The following MDGA2 variants were observed in gnomAD, a reference collection of about 807,000 sequenced individuals.
The protein encoded by MDGA2 is MAM domain containing glycosylphosphatidylinositol anchor 2.
A neutral mutation model predicts 117.8 loss-of-function variants in MDGA2; 40 were observed. The ratio of observed to expected loss-of-function variants is 0.34; its 90% CI spans 0.26 to 0.44. The LOEUF (loss-of-function observed/expected upper bound fraction) is 0.44, where lower values mean the gene tolerates loss of function less well. MDGA2 is among the 20% of genes least tolerant of loss of function. The pLI, the probability that MDGA2 is intolerant of heterozygous loss-of-function variation, is 1.00. For synonymous variants in MDGA2, 452 were observed against 439.0 expected (o/e 1.03, Z -0.37); for missense variants, 1,123 against 1,250.6 (o/e 0.90, Z 1.54).
intron 1 of MDGA2, among the ~76,000 whole-genome samples, chr14:47,540,791 C>T (rs1895337161): frequency 6.6e-6 from 1 of 151,566 alleles, no homozygotes; most frequent in Admixed American, 6.6e-5. Flanking sequence ...TCTTGAACTC[C>T]TGATCTCAAG....
chr14:47,151,170 A>G (rs1883149232), intron 3 of MDGA2, among the ~76,000 whole-genome samples: 1 of 152,180 alleles, frequency 6.6e-6, no homozygotes, highest in Non-Finnish European at 1.5e-5. Context: ...AAAAAGAGGG[A>G]TTAGGCAGTG....
chr14:47,108,162 A>G (rs2139041414), intron 5 of MDGA2, among the ~76,000 whole-genome samples: 1 of 152,218 alleles, frequency 6.6e-6, no homozygotes, highest in Non-Finnish European at 1.5e-5. Context: ...CAATACTTTT[A>G]CCACATTCCC....
intron 1 of MDGA2, among the ~76,000 whole-genome samples, chr14:47,362,892 C>T (rs543093408): frequency 6.6e-6 from 1 of 152,188 alleles, no homozygotes; most frequent in South Asian, 2.1e-4. Flanking sequence ...AATCTCATTC[C>T]GTAGGAGCAC....
At chr14:47,510,876 G>T (rs1267344497) in intron 1 of MDGA2, among the ~76,000 whole-genome samples, 1 of 152,152 alleles carries the variant, frequency 6.6e-6, no homozygotes. Context: ...GCCCAGAATG[G>T]GAGTGCTTTG....
At chr14:46,864,737 A>C (rs1484878894) in intron 14 of MDGA2, among the ~76,000 whole-genome samples, 1 of 151,928 alleles carries the variant, frequency 6.6e-6, no homozygotes, top group African/African-American at 2.4e-5. Flanking sequence ...CTAATTCTTA[A>C]CAGAAAGCGT....
At chr14:47,102,366 AACACAC>A (rs3039394) in intron 5 of MDGA2, among the ~76,000 whole-genome samples, 4,956 of 147,942 alleles carry the variant, frequency 0.033, 260 homozygotes, top group African/African-American at 0.11. Flanking sequence ...AGGAAGGAGA[AACACAC>A]ACACACACAC....
chr14:47,609,651 A>G (rs1225620746), intron 1 of MDGA2, among the ~76,000 whole-genome samples: 1 of 150,868 alleles, frequency 6.6e-6, no homozygotes. Context: ...TCAGCTCTTT[A>G]AGGAATCTCC....
intron 9 of MDGA2, among the ~76,000 whole-genome samples, chr14:46,948,655 C>G (rs892106787): frequency 3.9e-5 from 6 of 151,994 alleles, no homozygotes; most frequent in African/African-American, 1.2e-4. Context: ...CTGTCCCTTC[C>G]AGCTCTGATT....
At chr14:47,623,368 G>A (rs1354190407) in intron 1 of MDGA2, among the ~76,000 whole-genome samples, 1 of 152,186 alleles carries the variant, frequency 6.6e-6, no homozygotes, top group African/African-American at 2.4e-5. Context: ...AAGACAGGAT[G>A]TTTCTACTGA....
At chr14:47,180,311 A>G (rs1884647601) in intron 3 of MDGA2, among the ~76,000 whole-genome samples, 1 of 152,182 alleles carries the variant, frequency 6.6e-6, no homozygotes, top group African/African-American at 2.4e-5. Flanking sequence ...TGACAGAGAC[A>G]CCAAAAGCAA....
chr14:47,225,309 G>A (rs1886446027), intron 2 of MDGA2, among the ~76,000 whole-genome samples: 1 of 151,790 alleles, frequency 6.6e-6, no homozygotes, highest in Non-Finnish European at 1.5e-5. Flanking sequence ...TCCCACTACT[G>A]GGTATATACC....
chr14:47,651,858 C>G (rs922527542), intron 1 of MDGA2, among the ~76,000 whole-genome samples: 10 of 152,066 alleles, frequency 6.6e-5, no homozygotes, highest in African/African-American at 2.4e-4. Flanking sequence ...ATATGTGGAC[C>G]TGGGTGACTT....
At chr14:47,431,239 T>C (rs553780712) in intron 1 of MDGA2, among the ~76,000 whole-genome samples, 28 of 152,098 alleles carry the variant, frequency 1.8e-4, no homozygotes, top group Non-Finnish European at 3.2e-4. Flanking sequence ...AGTATCACCA[T>C]AGGCAATGGC....
intron 1 of MDGA2, among the ~76,000 whole-genome samples, chr14:47,508,028 G>A (rs1311492767): frequency 6.6e-6 from 1 of 152,128 alleles, no homozygotes; most frequent in Non-Finnish European, 1.5e-5. Flanking sequence ...CAGTGAAAAA[G>A]AATTCTATTT....
intron 2 of MDGA2, among the ~76,000 whole-genome samples, chr14:47,231,678 C>T (rs1450646669): frequency 6.6e-6 from 1 of 150,886 alleles, no homozygotes; most frequent in Non-Finnish European, 1.5e-5. Context: ...ATAACACTAC[C>T]TGGGTTTCTT....
At chr14:47,165,111 G>A (rs919674870) in intron 3 of MDGA2, among the ~76,000 whole-genome samples, 1 of 152,076 alleles carries the variant, frequency 6.6e-6, no homozygotes, top group Non-Finnish European at 1.5e-5. Context: ...TGGGGTGGGG[G>A]CAGGGGGTAG....
intron 2 of MDGA2, among the ~76,000 whole-genome samples, chr14:47,260,913 G>A (rs1887775470): frequency 6.6e-6 from 1 of 152,014 alleles, no homozygotes; most frequent in South Asian, 2.1e-4. Flanking sequence ...TGGAATCCAA[G>A]AGACAGATTA....
chr14:47,532,947 T>C (rs925415548), intron 1 of MDGA2, among the ~76,000 whole-genome samples: 2 of 152,236 alleles, frequency 1.3e-5, no homozygotes, highest in African/African-American at 4.8e-5. Flanking sequence ...CTCCAAAACA[T>C]CATGCCTTCC....
chr14:47,445,565 C>T (rs1893104359), intron 1 of MDGA2, among the ~76,000 whole-genome samples: 1 of 151,864 alleles, frequency 6.6e-6, no homozygotes, highest in Non-Finnish European at 1.5e-5. Context: ...TCGCCAACTT[C>T]CTTTGTTATT....
Sources: allele counts gnomAD v4.1 joint callset (sites outside exome capture counted in the v4.1 genomes callset), GRCh38; gene constraint gnomAD v4.1.1; transcripts MANE v1.5; gene names NCBI Gene and HGNC (gene_info 2026-07-23, HGNC 2026-07-21).